Variants in TTC34 observed in about 807,000 individuals in gnomAD.
TTC34 encodes the protein tetratricopeptide repeat domain 34, also known as tetratricopeptide repeat protein 34.
TTC34 carries 44 observed loss-of-function variants against 40.7 expected under a neutral mutation model. The observed-to-expected ratio is 1.08, with a 90% CI of 0.85 to 1.39. TTC34 has a LOEUF of 1.39. Ranked by LOEUF, TTC34 falls within the 40% of genes most tolerant of loss-of-function variation. TTC34 has a pLI of 0.00. For synonymous variants in TTC34, 422 were observed against 398.6 expected, an observed-to-expected ratio of 1.06 and a Z score of -0.70; for missense variants, 884 against 838.0, an observed-to-expected ratio of 1.05 and a Z score of -0.68.
intron 6 of TTC34, among the ~76,000 whole-genome samples, chr1:2,695,152 C>A (rs989252706): frequency 4.4e-5 from 3 of 68,736 alleles, no homozygotes; most frequent in Non-Finnish European, 6.2e-5. Context: ...CAGCACCCTG[C>A]ACCCCCAGGA....
intron 6 of TTC34, among the ~76,000 whole-genome samples, chr1:2,651,622 T>G (rs1320894531): frequency 6.7e-6 from 1 of 150,038 alleles, no homozygotes. Flanking sequence ...TCTGACAGCT[T>G]GGAACATCAC....
intron 2 of TTC34, among the ~76,000 whole-genome samples, chr1:2,792,033 T>TTTTTTTTTTTTTTTTTTTTTTTTTTTA (rs1553171534): frequency 1.9e-5 from 2 of 107,100 alleles, no homozygotes; most frequent in Non-Finnish European, 1.8e-5. Flanking sequence ...TTTTTTTTTT[T>TTTTTTTTTTTTTTTTTTTTTTTTTTTA]AAAGACAGGG....
Position 2,790,370 on chromosome 1 carries a change from G to A in TTC34, c.785-24C>T, listed in dbSNP as rs547027573. 28 of 398,498 alleles carry A rather than the reference G, an allele frequency of 7.0e-5. No individual in the cohort carries two copies. In the South Asian group the frequency reaches 3.1e-3, roughly 44 times the overall value. 24.7% of individuals were successfully genotyped at this position (398,498 alleles called of 1,614,324 possible). On this transcript the variant is annotated intron_variant, in intron 2 of 8. Coordinates refer to ENST00000401095, the Ensembl canonical transcript of TTC34. ...ACCTGCGGAGAGAAACAGAGGCGTG[G>A]GTTCTGCCTGGGGGGCCGACTCCCC...
intron 6 of TTC34, among the ~76,000 whole-genome samples, chr1:2,685,982 A>G (rs1471903304): frequency 7.9e-5 from 2 of 25,292 alleles, no homozygotes; most frequent in African/African-American, 2.5e-4. Flanking sequence ...ATCTGACTGC[A>G]TGTATCAGCA....
intron 6 of TTC34, among the ~76,000 whole-genome samples, chr1:2,652,405 C>CA (rs1639172905): frequency 7.0e-6 from 1 of 142,554 alleles, no homozygotes; most frequent in African/African-American, 3.0e-5. Flanking sequence ...AGCACGCACA[C>CA]CCCCAGTGAG....
intron 6 of TTC34, among the ~76,000 whole-genome samples, chr1:2,684,282 GC>G (rs1640216435): frequency 6.9e-6 from 1 of 145,282 alleles, no homozygotes; most frequent in African/African-American, 2.6e-5. Context: ...ACGCCCACAG[GC>G]AAGCATATGA....
chr1:2,754,610 T>C (rs1261597493), intron 6 of TTC34, among the ~76,000 whole-genome samples: 172 of 22,332 alleles, frequency 7.7e-3, no homozygotes, highest in Non-Finnish European at 8.3e-3. Context: ...CCTGGAGCAG[T>C]GCCCACACCC....
intron 6 of TTC34, among the ~76,000 whole-genome samples, chr1:2,752,704 C>A (rs2100435901): frequency 7.1e-6 from 1 of 140,874 alleles, no homozygotes; most frequent in South Asian, 2.4e-4. Context: ...CCCAGATGAG[C>A]ATCTGACAGC....
chr1:2,684,392 A>G (rs1365363999), intron 6 of TTC34, among the ~76,000 whole-genome samples: 1 of 150,292 alleles, frequency 6.7e-6, no homozygotes, highest in Non-Finnish European at 1.5e-5. Flanking sequence ...AACAGAATCC[A>G]CACCCCCAGG....
At chr1:2,753,437 C>T (rs1308252953) in intron 6 of TTC34, among the ~76,000 whole-genome samples, 217 of 106,628 alleles carry the variant, frequency 2.0e-3, no homozygotes, top group Middle Eastern at 0.016. Flanking sequence ...CATCTGACAG[C>T]CTGGAACAGC....
intron 6 of TTC34, among the ~76,000 whole-genome samples, chr1:2,686,952 C>T (rs1444096224): frequency 1.3e-5 from 2 of 149,122 alleles, no homozygotes; most frequent in African/African-American, 5.1e-5. Flanking sequence ...CAGCCTGGAG[C>T]AGCACCCACA....
intron 6 of TTC34, among the ~76,000 whole-genome samples, chr1:2,682,100 C>A (rs959670715): frequency 9.9e-5 from 13 of 131,616 alleles, no homozygotes; most frequent in East Asian, 6.5e-4. Context: ...TGGAGCAGCA[C>A]CCACACCCCC....
chr1:2,794,283 A>G (rs535648132), intron 2 of TTC34, among the ~76,000 whole-genome samples: 1 of 152,354 alleles, frequency 6.6e-6, no homozygotes, highest in East Asian at 1.9e-4. Context: ...CTGGGATTAC[A>G]GGCATGAGCC....
chr1:2,756,709 CT>C lies in TTC34; in HGVS notation c.2226+26899del, dbSNP rs1641519042. ...AAATCCTGGAACAGCACCCACACCC[CT>C]AGGTGAGCATCTGACAGGCTGGAGC... On this transcript the variant is annotated intron_variant, in intron 6 of 8. Transcript: ENST00000401095. Among the ~76,000 whole-genome samples, 5 of 81,242 alleles carry C rather than the reference CT, an allele frequency of 6.2e-5. 1 individual carries two copies. The highest frequency in any genetic ancestry group is 1.2e-4 in the Non-Finnish European group (5 of 40,846). The allele number at this position is 81,242 out of a possible 152,430, so 53.3% of individuals were successfully genotyped here. A position where few individuals can be genotyped will look rare whatever the true frequency, so the allele number is the denominator to read the frequency against.
intron 6 of TTC34, among the ~76,000 whole-genome samples, chr1:2,653,556 A>T (rs1484298836): frequency 9.3e-6 from 1 of 107,870 alleles, no homozygotes; most frequent in African/African-American, 3.7e-5. Flanking sequence ...ACGGCCAGGA[A>T]TAGCACCCAC....
intron 6 of TTC34, among the ~76,000 whole-genome samples, chr1:2,652,543 A>ACATCACCCACACACTC (rs1639183525): frequency 5.5e-5 from 1 of 18,114 alleles, no homozygotes. Flanking sequence ...GAGCATTGGA[A>ACATCACCCACACACTC]AGCCTGGAGC....
chr1:2,753,504 C>A (rs1386404669), intron 6 of TTC34, among the ~76,000 whole-genome samples: 1 of 59,336 alleles, frequency 1.7e-5, no homozygotes, highest in Non-Finnish European at 2.8e-5. Context: ...CACCCCCAGG[C>A]GAGCATCGGA....
At chr1:2,677,716 G>T (rs879544686) in intron 6 of TTC34, among the ~76,000 whole-genome samples, 2 of 80,962 alleles carry the variant, frequency 2.5e-5, no homozygotes, top group South Asian at 3.4e-4. Flanking sequence ...TGACAGCCTG[G>T]AACAGCACCC....
intron 6 of TTC34, among the ~76,000 whole-genome samples, chr1:2,659,588 T>TCTGACCGAACGGAGCAGCACCCACAAC (rs1639466415): frequency 9.0e-6 from 1 of 110,938 alleles, no homozygotes; most frequent in African/African-American, 3.0e-5. Context: ...GCACCCACAA[T>TCTGACCGAACGGAGCAGCACCCACAAC]CCCAGGCGAG....
Sources: allele counts gnomAD v4.1 joint callset (sites outside exome capture counted in the v4.1 genomes callset), GRCh38; gene constraint gnomAD v4.1.1; transcripts MANE v1.5; gene names NCBI Gene and HGNC (gene_info 2026-07-23, HGNC 2026-07-21).